Variants in PAK3 observed in about 807,000 individuals in gnomAD.
PAK3 encodes the protein p21 (RAC1) activated kinase 3, also known as serine/threonine-protein kinase PAK 3.
PAK3 carries 4 observed loss-of-function variants against 41.0 expected under a neutral mutation model. The ratio of observed to expected loss-of-function variants is 0.10; its 90% CI spans 0.05 to 0.22. The LOEUF is 0.22. PAK3 is among the 10% of genes least tolerant of loss of function. The probability of loss-of-function intolerance (pLI) is 1.00; values close to 1 mark genes in which losing one functional copy is unlikely to be tolerated. For synonymous variants in PAK3, 146 were observed against 139.6 expected, an observed-to-expected ratio of 1.05 and a Z score of -0.32; for missense variants, 205 against 409.9, an observed-to-expected ratio of 0.50 and a Z score of 4.32.
At chrX:111,082,636 T>C (rs764613534) in intron 1 of PAK3, among the ~76,000 whole-genome samples, 1 of 111,427 alleles carries the variant, frequency 9.0e-6, no homozygotes, top group African/African-American at 3.3e-5. Flanking sequence ...CAATAGTCAT[T>C]GGTTGGGAAA....
chrX:111,127,376 T>C (rs1286383532), intron 5 of PAK3, among the ~76,000 whole-genome samples: 2 of 110,976 alleles, frequency 1.8e-5, no homozygotes, highest in Non-Finnish European at 3.8e-5. Flanking sequence ...TGTTTGTTTG[T>C]TTTTGAAGAA....
intron 1 of PAK3, among the ~76,000 whole-genome samples, chrX:111,000,330 T>C (rs1230284371): frequency 8.9e-6 from 1 of 111,993 alleles, no homozygotes. Flanking sequence ...AATCCCACCC[T>C]CCACAACATC....
At chrX:110,975,518 A>T (rs751333948) in intron 1 of PAK3, among the ~76,000 whole-genome samples, 1 of 112,210 alleles carries the variant, frequency 8.9e-6, no homozygotes, top group South Asian at 3.7e-4. Flanking sequence ...CAATATCATG[A>T]AAGTGGCCAT....
intron 16 of PAK3, among the ~76,000 whole-genome samples, chrX:111,208,191 A>T (rs1426385956): frequency 8.8e-6 from 1 of 113,038 alleles, no homozygotes; most frequent in Non-Finnish European, 1.9e-5. Flanking sequence ...AAGGATATTT[A>T]AAAAATATTT....
Position 111,216,484 on chromosome X carries a change from G to A in PAK3, c.1471G>A (p.Val491Ile). 1 of 1,186,207 alleles carries A rather than the reference G, an allele frequency of 8.4e-7. No individual in the cohort carries two copies. The highest frequency in any genetic ancestry group is 2.3e-4 in the Middle Eastern group (1 of 4,292). The change falls in exon 17 of 18, where the codon GTA becomes ATA. Residue 491 changes from valine (V) to isoleucine (I), a missense_variant. Val to Ile is a conservative substitution (Grantham distance 29). This residue lies in a region of PAK3 where 40 missense variants were observed against 54.4 expected (regional missense o/e 0.74). Transcript: ENST00000372007. ...CCAGAATCCTGAGAGACTGTCAGCT[G>A]TATTCCGTGACTTTTTAAATCGCTG... ...ELQNPERLSA[V>I]FRDFLNRCLE... is the part of the protein sequence containing the mutation.
At chrX:111,175,287 A>G (rs2094393279) in intron 11 of PAK3, among the ~76,000 whole-genome samples, 1 of 111,726 alleles carries the variant, frequency 9.0e-6, no homozygotes, top group Non-Finnish European at 1.9e-5. Flanking sequence ...GTCCAAATGG[A>G]AATGTACTTA....
At chrX:111,145,027 T>A (rs775103812) in intron 6 of PAK3, 31 of 473,325 alleles carry the variant, frequency 6.5e-5, no homozygotes, top group Non-Finnish European at 1.0e-4. Context: ...CCAGCTTAAT[T>A]TACTTCTAGT....
At chrX:111,113,229 C>T (rs1569345583) in intron 4 of PAK3, among the ~76,000 whole-genome samples, 2 of 111,923 alleles carry the variant, frequency 1.8e-5, no homozygotes, top group Non-Finnish European at 3.8e-5. Context: ...TGCTCTGTCC[C>T]TCCAAAGCAT....
At chrX:111,063,703 C>A (rs898355846) in intron 1 of PAK3, among the ~76,000 whole-genome samples, 92 of 107,305 alleles carry the variant, frequency 8.6e-4, no homozygotes, top group African/African-American at 3.2e-3. Flanking sequence ...CAGTGGGGGT[C>A]ACCTGTAAGC....
chrX:111,114,123 A>G (rs2148955597), intron 4 of PAK3, among the ~76,000 whole-genome samples: 1 of 112,226 alleles, frequency 8.9e-6, no homozygotes, highest in African/African-American at 3.2e-5. Flanking sequence ...ATGATTTATA[A>G]TCCTTTGGGT....
chrX:111,172,638 T>C lies in PAK3; in HGVS notation c.767-380T>C, dbSNP rs141555502. On this transcript the variant is annotated intron_variant, in intron 10 of 17. Coordinates refer to ENST00000372007, the MANE Select transcript of PAK3 (RefSeq NM_002578.5). ...TCTTGCATTTGTTTGCTTAGGTTCA[T>C]GACCTCCAGCTCCATCCCTTTCTTA... Among the ~76,000 whole-genome samples, 674 of 111,666 alleles carry C rather than the reference T, an allele frequency of 6.0e-3. 8 individuals are homozygous for C. The highest frequency in any genetic ancestry group is 0.02 in the African/African-American group (626 of 30,811).
At chrX:111,026,163 A>G (rs1197937106) in intron 1 of PAK3, among the ~76,000 whole-genome samples, 1 of 112,019 alleles carries the variant, frequency 8.9e-6, no homozygotes, top group Non-Finnish European at 1.9e-5. Flanking sequence ...CCTTAAGGTA[A>G]TAAAAGCCAT....
chrX:111,100,709 G>A (rs750563110), intron 3 of PAK3, among the ~76,000 whole-genome samples: 1 of 111,975 alleles, frequency 8.9e-6, no homozygotes, highest in Non-Finnish European at 1.9e-5. Context: ...AGACAGAGTA[G>A]TTGTCCATAG....
intron 1 of PAK3, among the ~76,000 whole-genome samples, chrX:111,045,893 A>G (rs912426757): frequency 5.4e-5 from 6 of 111,281 alleles, no homozygotes; most frequent in Non-Finnish European, 1.1e-4. Flanking sequence ...TTGGACAGAA[A>G]ATGTTTGACA....
At chrX:111,155,360 G>A (rs1420921201) in intron 8 of PAK3, among the ~76,000 whole-genome samples, 1 of 109,863 alleles carries the variant, frequency 9.1e-6, no homozygotes, top group African/African-American at 3.3e-5. Context: ...AACTAGCTGG[G>A]CATGGTGGTG....
intron 16 of PAK3, among the ~76,000 whole-genome samples, chrX:111,200,416 A>C (rs1273799695): frequency 8.9e-6 from 1 of 111,830 alleles, no homozygotes; most frequent in Non-Finnish European, 1.9e-5. Context: ...ATATGAGGGA[A>C]TGCCCTAATG....
At chrX:111,034,600 G>T (rs1036130982) in intron 1 of PAK3, among the ~76,000 whole-genome samples, 3 of 111,431 alleles carry the variant, frequency 2.7e-5, no homozygotes, top group Non-Finnish European at 5.6e-5. Flanking sequence ...CCAGTTATCT[G>T]GTCTTTTCCC....
At chrX:111,122,255 G>GAAAAAA (rs747134804) in intron 4 of PAK3, among the ~76,000 whole-genome samples, 30 of 23,261 alleles carry the variant, frequency 1.3e-3, no homozygotes, top group Non-Finnish European at 1.8e-3. Context: ...GACTCCATCT[G>GAAAAAA]AAAAAAAAAA....
At chrX:111,044,998 A>G (rs2092483572) in intron 1 of PAK3, among the ~76,000 whole-genome samples, 1 of 112,073 alleles carries the variant, frequency 8.9e-6, no homozygotes, top group Non-Finnish European at 1.9e-5. Context: ...AGTGGTATAC[A>G]CAGCCTCTGC....
Sources: allele counts gnomAD v4.1 joint callset (sites outside exome capture counted in the v4.1 genomes callset), GRCh38; gene constraint gnomAD v4.1.1; regional missense constraint gnomAD v4.1.1; transcripts MANE v1.5; gene names NCBI Gene and HGNC (gene_info 2026-07-23, HGNC 2026-07-21).